The following BRD4 variants were observed in gnomAD, a reference collection of about 807,000 sequenced individuals.
BRD4 encodes bromodomain-containing protein 4.
In BRD4, 16 loss-of-function variants were observed where a neutral mutation model predicts 142.1. The observed-to-expected ratio is 0.11, with a 90% CI of 0.08 to 0.17. BRD4 has a LOEUF of 0.17. Among genes scored for constraint, BRD4 ranks in the 10% least tolerant of loss-of-function variants. BRD4 has a pLI of 1.00. For missense variants in BRD4, 1,424 were observed against 1,810.9 expected (o/e 0.79, Z 3.88); for synonymous variants, 833 against 707.5 (o/e 1.18, Z -2.82).
At chr19:15,261,447 A>C (rs991941127) in intron 7 of BRD4, among the ~76,000 whole-genome samples, 1 of 151,978 alleles carries the variant, frequency 6.6e-6, no homozygotes, top group Non-Finnish European at 1.5e-5. Context: ...GTGCCACTGC[A>C]CTCCAGCCTG....
At chr19:15,276,006 A>C (rs997968561) in intron 1 of BRD4, among the ~76,000 whole-genome samples, 2 of 152,164 alleles carry the variant, frequency 1.3e-5, no homozygotes, top group Admixed American at 1.3e-4. Flanking sequence ...AAAAAAGAAA[A>C]AGAAAAGAAA....
At chr19:15,249,483 G>A (rs901204299) in intron 11 of BRD4, among the ~76,000 whole-genome samples, 5 of 152,136 alleles carry the variant, frequency 3.3e-5, no homozygotes, top group Non-Finnish European at 7.3e-5. Context: ...CCCACCGCCC[G>A]CTTAGAAAGG....
chr19:15,314,230 G>A (rs1270837698), intron 1 of BRD4, among the ~76,000 whole-genome samples: 1 of 152,080 alleles, frequency 6.6e-6, no homozygotes, highest in Non-Finnish European at 1.5e-5. Flanking sequence ...AGGACGTGAG[G>A]GTGTGGACGC....
intron 1 of BRD4, among the ~76,000 whole-genome samples, chr19:15,306,647 G>A (rs1194953286): frequency 6.6e-6 from 1 of 152,128 alleles, no homozygotes; most frequent in Non-Finnish European, 1.5e-5. Context: ...CTATTATAGG[G>A]TTATTAACCG....
intron 11 of BRD4, among the ~76,000 whole-genome samples, chr19:15,245,596 G>A (rs1284723008): frequency 2.6e-5 from 4 of 152,028 alleles, no homozygotes; most frequent in African/African-American, 7.3e-5. Context: ...GAGAGCCAGC[G>A]TGCCCACCTC....
intron 1 of BRD4, among the ~76,000 whole-genome samples, chr19:15,320,793 A>C (rs1224571564): frequency 6.6e-6 from 1 of 152,216 alleles, no homozygotes; most frequent in African/African-American, 2.4e-5. Flanking sequence ...GGATACACAC[A>C]TCCTTAACTA....
intron 1 of BRD4, among the ~76,000 whole-genome samples, chr19:15,288,736 G>A (rs769879582): frequency 3.3e-5 from 5 of 152,268 alleles, no homozygotes; most frequent in Non-Finnish European, 7.3e-5. Flanking sequence ...CCACTAAGCC[G>A]TGGCGGGTGC....
chr19:15,319,910 TG>T (rs1267902910), intron 1 of BRD4, among the ~76,000 whole-genome samples: 1 of 152,162 alleles, frequency 6.6e-6, no homozygotes, highest in African/African-American at 2.4e-5. Flanking sequence ...CACTACGGCC[TG>T]GGCAACACAG....
At chr19:15,254,051 G>C (rs1482630944) in intron 11 of BRD4, 101 bp downstream of exon 11, 1 of 980,866 alleles carries the variant, frequency 1.0e-6, no homozygotes, top group Non-Finnish European at 1.6e-6. Flanking sequence ...AGTTCTGGGA[G>C]TGCCGTCTCT....
chr19:15,256,388 G>C (rs897937957), intron 8 of BRD4, 125 bp from the exon 9 acceptor site: 1 of 1,197,078 alleles, frequency 8.4e-7, no homozygotes, highest in African/African-American at 1.5e-5. Context: ...TGTGGGCATA[G>C]GGGAGGCAGG....
At chr19:15,265,128 TA>T (rs1238235806) in intron 5 of BRD4, among the ~76,000 whole-genome samples, 2 of 152,144 alleles carry the variant, frequency 1.3e-5, no homozygotes, top group Non-Finnish European at 2.9e-5. Flanking sequence ...ACAGTCTAAA[TA>T]AAAGAGGTGC....
rs964907515 is a variant in BRD4, at chr19:15,328,993, G to C, written c.-35+3297C>G. ...TCTCCATGTTTGTCAGGCTGGTGTC[G>C]AACTTTTGACCCCAGGTGATCTGCC... On this transcript the variant is annotated intron_variant, in intron 1 of 19. Coordinates refer to ENST00000679869, the MANE Select transcript of BRD4 (RefSeq NM_001379291.1). Among the ~76,000 whole-genome samples, 15 of 151,956 alleles carry C rather than the reference G, an allele frequency of 9.9e-5. 1 individual carries two copies. Among genetic ancestry groups the C allele is most frequent in the Admixed American group, 9.8e-4 (15 of 15,260 alleles).
chr19:15,238,326 G>A lies in BRD4; in HGVS notation c.*51C>T, dbSNP rs200073875. 9 of 1,612,096 alleles carry A rather than the reference G, an allele frequency of 5.6e-6. No homozygotes were observed. In the South Asian group the frequency reaches 9.9e-5, roughly 18 times the overall value. ...CTCCACCACCGCCCCTAACACTATG[G>A]AAAGTCAATGTTTTGCCAGAAAATC... On this transcript the variant is annotated 3_prime_UTR_variant, in exon 20 of 20. Coordinates refer to ENST00000679869, the MANE Select transcript of BRD4 (RefSeq NM_001379291.1). The surrounding 1 kb of genome is among the most constrained non-coding windows in gnomAD (Gnocchi z 7.2).
intron 1 of BRD4, among the ~76,000 whole-genome samples, chr19:15,326,661 T>C (rs764666671): frequency 6.6e-6 from 1 of 152,160 alleles, no homozygotes; most frequent in Non-Finnish European, 1.5e-5. Flanking sequence ...ACTACTTTTG[T>C]TTAAAGAAAA....
Position 15,243,014 on chromosome 19 carries a change from G to T in BRD4, c.3055C>A (p.Pro1019Thr). The T allele has an allele frequency of 6.8e-7, 1 of 1,476,038 alleles. No individual in the cohort carries two copies. Among genetic ancestry groups the T allele is most frequent in the Non-Finnish European group, 9.1e-7 (1 of 1,101,886 alleles). 91.4% of individuals were successfully genotyped at this position (1,476,038 alleles called of 1,614,324 possible). ...QQPPPPQGQQ[P>T]PHPPPGQQPP... is the part of the protein sequence containing the mutation. Reference sequence around the variant, plus strand: ...TGCTGGCCTGGGGGCGGATGGGGGGGCTGCTGGCCCTGGGGTGGCGGGGGC... The same window carrying T: ...TGCTGGCCTGGGGGCGGATGGGGGGTCTGCTGGCCCTGGGGTGGCGGGGGC... Residue 1019 changes from proline (P) to threonine (T), a missense_variant, in exon 14 of 20, where the codon CCC becomes ACC. By Grantham distance (38) the Pro-to-Thr change is conservative. Transcript: ENST00000679869.
chr19:15,322,476 G>A (rs1214925946), intron 1 of BRD4, among the ~76,000 whole-genome samples: 11 of 151,750 alleles, frequency 7.2e-5, no homozygotes, highest in Admixed American at 2.6e-4. Flanking sequence ...TTGGGAGGCC[G>A]AGGCGGGTGG....
At chr19:15,329,107 A>C (rs1013621693) in intron 1 of BRD4, among the ~76,000 whole-genome samples, 1 of 151,496 alleles carries the variant, frequency 6.6e-6, no homozygotes, top group African/African-American at 2.4e-5. Context: ...TTAACAAGGA[A>C]ATTTTATCTT....
At chr19:15,257,423 C>T (rs1013276980) in intron 7 of BRD4, 15 of 546,030 alleles carry the variant, frequency 2.7e-5, no homozygotes, top group Non-Finnish European at 4.6e-5. Flanking sequence ...GGGGCACTCA[C>T]TCCCTGGAGG....
chr19:15,316,442 A>G (rs1260293952), intron 1 of BRD4, among the ~76,000 whole-genome samples: 6 of 151,880 alleles, frequency 4.0e-5, no homozygotes, highest in African/African-American at 1.4e-4. Flanking sequence ...ATACAAAAAA[A>G]CAGTCGGGCA....
Sources: gnomAD v4.1 joint callset for allele counts (sites outside exome capture counted in the v4.1 genomes callset) on GRCh38, gnomAD v4.1.1 for gene constraint, Gnocchi (gnomAD v3.1) non-coding constraint, MANE v1.5 for transcripts, NCBI Gene and HGNC (gene_info 2026-07-23, HGNC 2026-07-21) for gene names.